The following FBLIM1 variants were observed in gnomAD, a reference collection of about 807,000 sequenced individuals.
FBLIM1 encodes filamin binding LIM protein 1, also known as filamin-binding LIM protein 1.
Under a neutral mutation model 37.4 loss-of-function variants are expected in FBLIM1, and 29 were observed. That is an observed-to-expected ratio of 0.77 (90% CI 0.58 to 1.06). The LOEUF (loss-of-function observed/expected upper bound fraction) is 1.06. Ranked by LOEUF, FBLIM1 falls within the 50% of genes least tolerant of loss-of-function variation. The probability of loss-of-function intolerance (pLI) is 0.00; values close to 1 mark genes in which losing one functional copy is unlikely to be tolerated. For synonymous variants in FBLIM1, 193 were observed against 199.0 expected (o/e 0.97, Z 0.25); for missense variants, 449 against 505.6 (o/e 0.89, Z 1.07).
chr1:15,775,439 G>A (rs2069454118), intron 7 of FBLIM1, among the ~76,000 whole-genome samples: 1 of 151,226 alleles, frequency 6.6e-6, no homozygotes, highest in Admixed American at 6.6e-5. Context: ...GGAGGCTGAG[G>A]CAGAAGAATC....
chr1:15,759,132 AC>A (rs2068541158), intron 1 of FBLIM1, among the ~76,000 whole-genome samples: 1 of 151,270 alleles, frequency 6.6e-6, no homozygotes. Flanking sequence ...GGAGCCGGGG[AC>A]CCGGCGCGCA....
At chr1:15,766,532 G>A (rs919359866) in intron 3 of FBLIM1, among the ~76,000 whole-genome samples, 1 of 151,884 alleles carries the variant, frequency 6.6e-6, no homozygotes, top group Non-Finnish European at 1.5e-5. Flanking sequence ...CCTGACCTCA[G>A]GTGATCTGCC....
At chr1:15,782,750 C>G (rs2069674318) in intron 8 of FBLIM1, among the ~76,000 whole-genome samples, 1 of 151,694 alleles carries the variant, frequency 6.6e-6, no homozygotes, top group Non-Finnish European at 1.5e-5. Context: ...GATTGCAGAC[C>G]CTGGTCCCTA....
At position 15,786,260 on chromosome 1, in the gene FBLIM1, G is replaced by A. The variant is rs894162419; in HGVS notation, c.*1599G>A. 22 of 152,208 alleles carry A rather than the reference G, an allele frequency of 1.4e-4. No individual in the cohort carries two copies. The highest frequency in any genetic ancestry group is 1.3e-3 in the Admixed American group (20 of 15,266). 9.4% of individuals were successfully genotyped at this position (152,208 alleles called of 1,614,324 possible). On this transcript the variant is annotated 3_prime_UTR_variant, in exon 9 of 9. Transcript: ENST00000375766. ...AAACAGAATGTGCTTCCCTCCCTGG[G>A]GTCTCACACGCTCCCACGAGAATGC... is the stretch of plus-strand genomic sequence containing the variant.
chr1:15,776,885 A>G (rs1017186996), intron 7 of FBLIM1: 13 of 246,692 alleles, frequency 5.3e-5, no homozygotes, highest in Admixed American at 2.2e-4. Context: ...AAAAAAAAAA[A>G]GAAGTACTGA....
At chr1:15,780,203 A>AT (rs894300375) in intron 8 of FBLIM1, among the ~76,000 whole-genome samples, 4 of 148,920 alleles carry the variant, frequency 2.7e-5, no homozygotes, top group Admixed American at 6.7e-5. Context: ...AAATTCTTAA[A>AT]TTTTTTTTTT....
At chr1:15,777,815 C>T (rs146451071) in intron 8 of FBLIM1, among the ~76,000 whole-genome samples, 3,101 of 152,086 alleles carry the variant, frequency 0.02, 79 homozygotes, top group African/African-American at 0.063. Context: ...TCAGGTGATC[C>T]GCCCACTTCC....
At chr1:15,782,153 T>G (rs1030456017) in intron 8 of FBLIM1, among the ~76,000 whole-genome samples, 5 of 152,004 alleles carry the variant, frequency 3.3e-5, no homozygotes, top group Non-Finnish European at 7.4e-5. Context: ...GGCTCACACC[T>G]GTGATCCCAG....
chr1:15,767,246 C>T (rs990610700), intron 3 of FBLIM1, 130 bp from the exon 4 acceptor site: 6 of 721,580 alleles, frequency 8.3e-6, no homozygotes, highest in Non-Finnish European at 1.3e-5. Flanking sequence ...CAGAGTTAGA[C>T]ATGGAACCCA....
chr1:15,773,940 C>T (rs1171195084), intron 6 of FBLIM1, among the ~76,000 whole-genome samples: 1 of 151,890 alleles, frequency 6.6e-6, no homozygotes, highest in African/African-American at 2.4e-5. Context: ...GTCAGGAGTT[C>T]GAAACCAGCC....
rs1433430599 is a variant in FBLIM1, at chr1:15,785,641, A to C, written c.*980A>C. The C allele has an allele frequency of 6.6e-6, 1 of 152,240 alleles. No homozygotes were observed. The highest frequency in any genetic ancestry group is 6.5e-5 in the Admixed American group (1 of 15,274). 9.4% of individuals were successfully genotyped at this position (152,240 alleles called of 1,614,324 possible). A position where few individuals can be genotyped will look rare whatever the true frequency, so the allele number is the denominator to read the frequency against. On this transcript the variant is annotated 3_prime_UTR_variant, in exon 9 of 9. Transcript: ENST00000375766. ...CACAGCGAGACTCTGTCTCCAAAAA[A>C]AAAAGTGCTTTTTGAAAATGTTGAG...
At chr1:15,783,784 G>A (rs916979587) in intron 8 of FBLIM1, among the ~76,000 whole-genome samples, 3 of 151,652 alleles carry the variant, frequency 2.0e-5, no homozygotes, top group Admixed American at 6.6e-5. Flanking sequence ...GGGTTTCACC[G>A]TGTTAGCCAG....
At chr1:15,783,210 T>C (rs1206992780) in intron 8 of FBLIM1, among the ~76,000 whole-genome samples, 1 of 152,208 alleles carries the variant, frequency 6.6e-6, no homozygotes, top group Non-Finnish European at 1.5e-5. Flanking sequence ...GTGAGGTTTC[T>C]GGGGCAGAAC....
Position 15,765,114 on chromosome 1 carries a change from A to C in FBLIM1, c.131A>C (p.Glu44Ala). 6.2e-7 allele frequency: 1 copy of C among 1,613,742 alleles called. No homozygotes were observed. Among genetic ancestry groups the C allele is most frequent in the African/African-American group, 1.3e-5 (1 of 75,022 alleles). Reference protein sequence around the residue: ...VCEARRGRPWEAPAPMKTPEA... With the variant: ...VCEARRGRPWAAPAPMKTPEA... ...GAGGCCCGGCGTGGCCGCCCCTGGG[A>C]GGCTCCTGCCCCCATGAAGACACCC... Residue 44 changes from glutamate to alanine, a missense_variant, in exon 3 of 9, where the codon GAG becomes GCG. Glu to Ala is a moderately radical substitution (Grantham distance 107). Coordinates refer to ENST00000375766, the MANE Select transcript of FBLIM1 (RefSeq NM_017556.4). This position sits in a 1 kb window ranked among gnomAD's most constrained non-coding sequence, Gnocchi z 5.9.
intron 6 of FBLIM1, among the ~76,000 whole-genome samples, chr1:15,772,946 G>A (rs982028199): frequency 7.3e-5 from 11 of 151,564 alleles, no homozygotes; most frequent in African/African-American, 2.4e-4. Flanking sequence ...CACCACGCCC[G>A]GCTATTTTTT....
chr1:15,762,388 G>A (rs375923087), intron 1 of FBLIM1, among the ~76,000 whole-genome samples: 2 of 150,426 alleles, frequency 1.3e-5, no homozygotes, highest in East Asian at 4.0e-4. Flanking sequence ...TCAGCCTCCC[G>A]AGTAGCTGAG....
chr1:15,779,423 G>A (rs2069580145), intron 8 of FBLIM1, among the ~76,000 whole-genome samples: 1 of 152,038 alleles, frequency 6.6e-6, no homozygotes, highest in African/African-American at 2.4e-5. Context: ...TCCTGCCTCA[G>A]CCTACCAAGC....
At chr1:15,763,872 C>G (rs1417860917) in intron 1 of FBLIM1, among the ~76,000 whole-genome samples, 1 of 152,132 alleles carries the variant, frequency 6.6e-6, no homozygotes, top group Non-Finnish European at 1.5e-5. Flanking sequence ...CTCCTGGCCT[C>G]AAGTGATCCA....
At position 15,762,497 on chromosome 1, in the gene FBLIM1, G is replaced by A. The variant is rs1319611473; in HGVS notation, c.-210-1999G>A. Among the ~76,000 whole-genome samples, 3 of 151,872 alleles carry A rather than the reference G, an allele frequency of 2.0e-5. 1 individual carries two copies. Among genetic ancestry groups the A allele is most frequent in the South Asian group, 4.2e-4 (2 of 4,796 alleles). On this transcript the variant is annotated intron_variant, in intron 1 of 8. Transcript: ENST00000375766. ...AGGCTGGTCTTGAACTCCTTACCTC[G>A]TGATCCAACCACCTTGCCCTCCAAA...
Sources: allele counts gnomAD v4.1 joint callset (sites outside exome capture counted in the v4.1 genomes callset), GRCh38; gene constraint gnomAD v4.1.1; non-coding constraint Gnocchi (gnomAD v3.1); transcripts MANE v1.5; gene names NCBI Gene and HGNC (gene_info 2026-07-23, HGNC 2026-07-21).